The following REEP1 variants were observed in gnomAD, a reference collection of about 807,000 sequenced individuals.
REEP1 encodes the protein receptor expression-enhancing protein 1.
REEP1 carries 22 observed loss-of-function variants against 40.3 expected under a neutral mutation model. That is an observed-to-expected ratio of 0.55 (90% confidence interval 0.39 to 0.78). The LOEUF (loss-of-function observed/expected upper bound fraction) is 0.78, where lower values mean the gene tolerates loss of function less well. Among genes scored for constraint, REEP1 ranks in the 30% least tolerant of loss-of-function variants. The pLI is 0.00. For synonymous variants in REEP1, 116 were observed against 139.2 expected, an observed-to-expected ratio of 0.83 and a Z score of 1.17; for missense variants, 280 against 361.1, an observed-to-expected ratio of 0.78 and a Z score of 1.82.
rs377048348 is a variant in REEP1, at chr2:86,300,033, T to C, written c.33-17791A>G. ...AGACTGACATGGCCAGGGGGGACCA[T>C]GAGAGCCATCTTGTCCACCCCAGCA... On this transcript the variant is annotated intron_variant, in intron 1 of 8. Coordinates refer to ENST00000538924, the MANE Select transcript of REEP1 (RefSeq NM_001371279.1). 5.9e-5 allele frequency among the ~76,000 whole-genome samples: 9 copies of C among 152,240 alleles called. No homozygotes were observed. In the East Asian group the frequency reaches 1.4e-3, roughly 23 times the overall value.
chr2:86,248,551 G>A (rs949195731), intron 5 of REEP1, among the ~76,000 whole-genome samples: 9 of 152,104 alleles, frequency 5.9e-5, no homozygotes, highest in African/African-American at 1.2e-4. Flanking sequence ...GGGCTCAAGC[G>A]ATGATCCTCC....
chr2:86,293,852 A>G (rs1232127453), intron 1 of REEP1, among the ~76,000 whole-genome samples: 1 of 152,236 alleles, frequency 6.6e-6, no homozygotes, highest in Non-Finnish European at 1.5e-5. Context: ...TTGCATACCC[A>G]TGTTCATGGC....
intron 3 of REEP1, among the ~76,000 whole-genome samples, chr2:86,256,254 A>T (rs959792142): frequency 6.6e-6 from 1 of 151,172 alleles, no homozygotes; most frequent in African/African-American, 2.4e-5. Context: ...GGGCTGAGGC[A>T]GGAGAATTGC....
intron 7 of REEP1, among the ~76,000 whole-genome samples, chr2:86,221,135 T>C (rs1222071276): frequency 2.0e-5 from 3 of 152,122 alleles, no homozygotes; most frequent in African/African-American, 7.2e-5. Context: ...TAAGAACATA[T>C]TCAGCCACCG....
intron 2 of REEP1, among the ~76,000 whole-genome samples, chr2:86,268,823 G>A (rs970591188): frequency 3.9e-5 from 6 of 152,100 alleles, no homozygotes; most frequent in South Asian, 2.1e-4. Context: ...ATAGACCCAC[G>A]CAAGTATAGT....
intron 5 of REEP1, among the ~76,000 whole-genome samples, chr2:86,241,276 G>A (rs917566566): frequency 6.6e-6 from 1 of 152,252 alleles, no homozygotes; most frequent in Non-Finnish European, 1.5e-5. Flanking sequence ...GGGACCCACA[G>A]GACAAATCTG....
chr2:86,319,711 A>G (rs987001720), intron 1 of REEP1, among the ~76,000 whole-genome samples: 4 of 152,162 alleles, frequency 2.6e-5, no homozygotes, highest in Admixed American at 6.6e-5. Flanking sequence ...AAAGAACGAA[A>G]AAAAAAGAAG....
chr2:86,313,109 T>C (rs1341951337), intron 1 of REEP1, among the ~76,000 whole-genome samples: 1 of 152,072 alleles, frequency 6.6e-6, no homozygotes, highest in Non-Finnish European at 1.5e-5. Flanking sequence ...TCAGAAATTA[T>C]TTTATTTTCT....
intron 1 of REEP1, among the ~76,000 whole-genome samples, chr2:86,302,226 C>T (rs569217841): frequency 6.6e-6 from 1 of 152,378 alleles, no homozygotes; most frequent in Admixed American, 6.5e-5. Context: ...AACACGGGCC[C>T]TTGTCACTGA....
rs373835771 is a variant in REEP1 at position 86,254,465 on chromosome 2, T to C, written c.303+229A>G. Among the ~76,000 whole-genome samples, 274 of 152,346 alleles carry C rather than the reference T, an allele frequency of 1.8e-3. 1 individual carries two copies. The highest frequency in any genetic ancestry group is 5.9e-3 in the African/African-American group (245 of 41,580). On this transcript the variant is annotated intron_variant, in intron 4 of 8. Transcript: ENST00000538924. ...TTTTTCTTTCTTTTGTTTCAATTTA[T>C]GGAAATGTTTTCCAGTAAATAATGA...
intron 2 of REEP1, 105 bp from the exon 3 acceptor site, chr2:86,264,146 G>A (rs1677021457): frequency 1.2e-6 from 1 of 816,760 alleles, no homozygotes; most frequent in East Asian, 2.5e-5. Flanking sequence ...GCACGTCCAG[G>A]TGGTGCAGCC....
upstream of REEP1, chr2:86,337,992 C>T: frequency 6.5e-7 from 1 of 1,529,690 alleles, no homozygotes; most frequent in East Asian, 2.4e-5. The surrounding 1 kb of genome is among the most constrained non-coding windows in gnomAD (Gnocchi z 5.8). Context: ...ATCCCTCATT[C>T]AGCTAGTGCG....
chr2:86,225,836 C>A (rs181838444), intron 7 of REEP1, among the ~76,000 whole-genome samples: 1 of 152,238 alleles, frequency 6.6e-6, no homozygotes, highest in Non-Finnish European at 1.5e-5. Context: ...AAGCCTAAGG[C>A]AGCTTCTCTA....
At chr2:86,278,251 T>C (rs1677873515) in intron 2 of REEP1, among the ~76,000 whole-genome samples, 1 of 152,200 alleles carries the variant, frequency 6.6e-6, no homozygotes, top group Non-Finnish European at 1.5e-5. Flanking sequence ...TTTCTAAGTA[T>C]AGATTTTAAT....
intron 1 of REEP1, among the ~76,000 whole-genome samples, chr2:86,317,411 G>A (rs550655110): frequency 1.3e-5 from 2 of 152,276 alleles, no homozygotes; most frequent in African/African-American, 4.8e-5. Context: ...GTGATTCTCT[G>A]TATCATCTAC....
intron 1 of REEP1, among the ~76,000 whole-genome samples, chr2:86,318,400 CTT>C (rs775382572): frequency 4.2e-4 from 22 of 52,894 alleles, no homozygotes; most frequent in Admixed American, 3.3e-3. Flanking sequence ...CTTTTCTTTT[CTT>C]TTTTTTTTTT....
chr2:86,225,508 T>C (rs1048313049), intron 7 of REEP1, among the ~76,000 whole-genome samples: 2 of 152,218 alleles, frequency 1.3e-5, no homozygotes, highest in African/African-American at 4.8e-5. Context: ...CGACCTCAAG[T>C]GATCTGCCTG....
intron 1 of REEP1, among the ~76,000 whole-genome samples, chr2:86,318,798 C>T (rs1011749518): frequency 6.6e-6 from 1 of 151,976 alleles, no homozygotes; most frequent in Admixed American, 6.6e-5. Context: ...TCTGCAGCCT[C>T]CTTTCAGATG....
At chr2:86,289,403 T>C (rs1678576428) in intron 1 of REEP1, among the ~76,000 whole-genome samples, 1 of 152,234 alleles carries the variant, frequency 6.6e-6, no homozygotes, top group Admixed American at 6.5e-5. Context: ...CCACGGTGTC[T>C]TTATAATAAC....
Sources: allele counts gnomAD v4.1 joint callset (sites outside exome capture counted in the v4.1 genomes callset), GRCh38; gene constraint gnomAD v4.1.1; non-coding constraint Gnocchi (gnomAD v3.1); transcripts MANE v1.5; gene names NCBI Gene and HGNC (gene_info 2026-07-23, HGNC 2026-07-21).